AFF3: variants seen among roughly 807,000 people sequenced by gnomAD.
The protein encoded by AFF3 is ALF transcription elongation factor 3.
In AFF3, 32 loss-of-function variants were observed where a neutral mutation model predicts 129.7. That is an observed-to-expected ratio of 0.25 (90% CI 0.19 to 0.33). The LOEUF (loss-of-function observed/expected upper bound fraction) is 0.33, where lower values mean the gene tolerates loss of function less well. Among genes scored for constraint, AFF3 ranks in the 10% least tolerant of loss-of-function variants. AFF3 has a pLI of 1.00. For synonymous variants in AFF3, 644 were observed against 635.4 expected (o/e 1.01, Z -0.20); for missense variants, 1,373 against 1,592.0 (o/e 0.86, Z 2.34).
chr2:99,912,289 T>G (rs1260122072), intron 7 of AFF3, among the ~76,000 whole-genome samples: 2 of 152,254 alleles, frequency 1.3e-5, no homozygotes, highest in Admixed American at 1.3e-4. Context: ...TCAATTGTTT[T>G]ACATTTAGCT....
At chr2:99,624,588 C>A (rs1682364582) in intron 13 of AFF3, among the ~76,000 whole-genome samples, 1 of 152,170 alleles carries the variant, frequency 6.6e-6, no homozygotes. Context: ...ATGCCACTTG[C>A]AAGGAGGTGA....
At chr2:99,705,006 C>A (rs1013698736) in intron 11 of AFF3, among the ~76,000 whole-genome samples, 2 of 152,224 alleles carry the variant, frequency 1.3e-5, no homozygotes, top group South Asian at 2.1e-4. Flanking sequence ...AGGAAAAAAA[C>A]CAAAACAGAC....
intron 8 of AFF3, among the ~76,000 whole-genome samples, chr2:99,806,342 G>A (rs909234767): frequency 3.9e-5 from 6 of 152,130 alleles, no homozygotes; most frequent in African/African-American, 9.7e-5. Flanking sequence ...AACACAGAGC[G>A]GAAAATAGCC....
intron 8 of AFF3, among the ~76,000 whole-genome samples, chr2:99,793,416 AAC>A (rs1685346772): frequency 6.6e-6 from 1 of 152,220 alleles, no homozygotes. Flanking sequence ...AAAACAGACT[AAC>A]ACACATGGAA....
At chr2:99,834,889 T>C (rs117690233) in intron 8 of AFF3, among the ~76,000 whole-genome samples, 1 of 152,344 alleles carries the variant, frequency 6.6e-6, no homozygotes, top group East Asian at 1.9e-4. Context: ...TCTACGGTGT[T>C]ATTACCAATG....
rs1446257433 is a variant in AFF3 at position 99,550,920 on chromosome 2, C to T, written c.*554G>A. On this transcript the variant is annotated 3_prime_UTR_variant, in exon 25 of 25. Transcript: ENST00000672756. ...AAATACCTGGCTTATTTTCATTATT[C>T]AATTACCCATTAATACATACCAATC... 3 of 280,524 alleles carry T rather than the reference C, an allele frequency of 1.1e-5. No homozygotes were observed. The highest frequency in any genetic ancestry group is 2.0e-5 in the Non-Finnish European group (3 of 150,620). The allele number at this position is 280,524 out of a possible 1,614,324, so 17.4% of individuals were successfully genotyped here.
intron 11 of AFF3, 50 bp downstream of exon 11, chr2:99,727,027 G>A (rs1679412356): frequency 6.8e-7 from 1 of 1,480,968 alleles, no homozygotes; most frequent in South Asian, 1.2e-5. Context: ...CTCATTTTAT[G>A]AGGCATATTT....
intron 17 of AFF3, among the ~76,000 whole-genome samples, chr2:99,582,329 G>A (rs570063034): frequency 1.3e-5 from 2 of 152,230 alleles, no homozygotes; most frequent in East Asian, 1.9e-4. Context: ...GGAATCACCC[G>A]AGATCACTGG....
chr2:99,609,883 T>C (rs559421977), intron 13 of AFF3, among the ~76,000 whole-genome samples: 52 of 152,338 alleles, frequency 3.4e-4, no homozygotes, highest in African/African-American at 1.2e-3. Context: ...TGTATACATC[T>C]AGATGGCCTG....
intron 8 of AFF3, among the ~76,000 whole-genome samples, chr2:99,791,828 T>G (rs1349486780): frequency 7.1e-6 from 1 of 141,390 alleles, no homozygotes; most frequent in African/African-American, 2.6e-5. Flanking sequence ...TGTGTTTTTC[T>G]TTTTTTTTTT....
chr2:99,930,731 A>G (rs534416015), intron 7 of AFF3, among the ~76,000 whole-genome samples: 1 of 152,178 alleles, frequency 6.6e-6, no homozygotes, highest in African/African-American at 2.4e-5. Context: ...AGGGGCTTTT[A>G]TATTTCTTTA....
chr2:99,702,579 T>A (rs555577024), intron 11 of AFF3, among the ~76,000 whole-genome samples: 1 of 152,204 alleles, frequency 6.6e-6, no homozygotes, highest in East Asian at 1.9e-4. Flanking sequence ...ACTCAAGTGA[T>A]CTGCCTGCCT....
At chr2:99,949,010 T>C (rs1456477817) in intron 7 of AFF3, among the ~76,000 whole-genome samples, 1 of 152,206 alleles carries the variant, frequency 6.6e-6, no homozygotes, top group African/African-American at 2.4e-5. Context: ...AGTGTTTATT[T>C]CAGCTAGGAG....
intron 4 of AFF3, chr2:100,011,554 T>A: frequency 1.3e-6 from 1 of 781,036 alleles, no homozygotes. Flanking sequence ...ATTCCTCTGG[T>A]TTAAGATGTC....
intron 4 of AFF3, among the ~76,000 whole-genome samples, chr2:100,053,160 G>C (rs559490476): frequency 4.6e-5 from 7 of 152,158 alleles, no homozygotes; most frequent in Non-Finnish European, 8.8e-5. Context: ...TCTTCCTCTT[G>C]GCAGCAGTTG....
At chr2:99,871,407 A>G (rs1351611344) in intron 7 of AFF3, among the ~76,000 whole-genome samples, 2 of 152,162 alleles carry the variant, frequency 1.3e-5, no homozygotes, top group Non-Finnish European at 2.9e-5. Context: ...AAATCACGGA[A>G]CTATGCTTGG....
chr2:99,951,132 A>T (rs1421077079), intron 7 of AFF3, among the ~76,000 whole-genome samples: 1 of 152,232 alleles, frequency 6.6e-6, no homozygotes, highest in Non-Finnish European at 1.5e-5. Context: ...TTCACCCTTA[A>T]GCAAAGAATG....
At chr2:100,064,472 A>G (rs1687560350) in intron 4 of AFF3, among the ~76,000 whole-genome samples, 1 of 152,376 alleles carries the variant, frequency 6.6e-6, no homozygotes, top group East Asian at 1.9e-4. Flanking sequence ...TCATTAACAT[A>G]TTAATATTCT....
At chr2:99,908,560 T>G (rs959655387) in intron 7 of AFF3, among the ~76,000 whole-genome samples, 1 of 151,660 alleles carries the variant, frequency 6.6e-6, no homozygotes, top group African/African-American at 2.4e-5. Context: ...TGGGAGAAAA[T>G]TTTTGCAACA....
Sources: gnomAD v4.1 joint callset for allele counts (sites outside exome capture counted in the v4.1 genomes callset) on GRCh38, gnomAD v4.1.1 for gene constraint, MANE v1.5 for transcripts, NCBI Gene and HGNC (gene_info 2026-07-23, HGNC 2026-07-21) for gene names.